The following SLC24A1 variants were observed in gnomAD, a reference collection of about 807,000 sequenced individuals.
SLC24A1 encodes solute carrier family 24 member 1, also known as sodium/potassium/calcium exchanger 1.
A neutral mutation model predicts 88.1 loss-of-function variants in SLC24A1; 52 were observed. The ratio of observed to expected loss-of-function variants is 0.59; its 90% CI spans 0.47 to 0.74. The LOEUF is 0.74. SLC24A1 is among the 30% of genes least tolerant of loss of function. The probability of loss-of-function intolerance (pLI) is 0.00; values close to 1 mark genes in which losing one functional copy is unlikely to be tolerated. For missense variants in SLC24A1, 1,173 were observed against 1,363.3 expected (o/e 0.86, Z 2.20); for synonymous variants, 455 against 498.0 (o/e 0.91, Z 1.15).
At chr15:65,645,771 C>A in intron 6 of SLC24A1, 68 bp downstream of exon 6, 1 of 1,037,318 alleles carries the variant, frequency 9.6e-7, no homozygotes, top group Non-Finnish European at 1.5e-6. Flanking sequence ...ACCAAAAATA[C>A]ATCCTCCCTG....
chr15:65,654,685 T>A lies in SLC24A1; in HGVS notation c.*606T>A, dbSNP rs767836520. 7.9e-7 allele frequency: 1 copy of A among 1,272,546 alleles called. No homozygotes were observed. The highest frequency in any genetic ancestry group is 2.5e-5 in the Admixed American group (1 of 40,478). 78.8% of individuals were successfully genotyped at this position (1,272,546 alleles called of 1,614,324 possible). On this transcript the variant is annotated 3_prime_UTR_variant, in exon 10 of 10. Transcript: ENST00000261892. ...ATTCCACGTTTTGTAGCCCACTGCA[T>A]CTGGATATATACCAGTATTTTCTTT... is the stretch of plus-strand genomic sequence containing the variant.
At chr15:65,640,108 TCAGCCCAGGCTGACTGGC>T (rs1352783798) in intron 4 of SLC24A1, among the ~76,000 whole-genome samples, 1 of 152,146 alleles carries the variant, frequency 6.6e-6, no homozygotes, top group Admixed American at 6.5e-5. Flanking sequence ...GCCAAGCAGC[TCAGCCCAGGCTGACTGGC>T]CTGGGCTGCT....
At position 65,654,911 on chromosome 15, in the gene SLC24A1, T is replaced by TA; in HGVS notation, c.*832_*833insA. Reference sequence around the variant, plus strand: ...CCGCGCCTGGCCTATACCAGTATTTTCTAGTTTAAAGGAGGACTACATTAA... The same window carrying TA: ...CCGCGCCTGGCCTATACCAGTATTTTACTAGTTTAAAGGAGGACTACATTAA... On this transcript the variant is annotated 3_prime_UTR_variant, in exon 10 of 10. Transcript: ENST00000261892. The TA allele has an allele frequency of 1.8e-6, 2 of 1,119,156 alleles. No individual in the cohort carries two copies. The highest frequency in any genetic ancestry group is 2.2e-6 in the Non-Finnish European group (2 of 906,990). The allele number at this position is 1,119,156 out of a possible 1,614,324, so 69.3% of individuals were successfully genotyped here.
intron 8 of SLC24A1, chr15:65,652,290 C>A: frequency 3.6e-6 from 1 of 280,092 alleles, no homozygotes; most frequent in Non-Finnish European, 6.8e-6. Flanking sequence ...GTCCACATTC[C>A]TGGAAATAGA....
chr15:65,624,394 G>A lies in SLC24A1; in HGVS notation c.314G>A (p.Ser105Asn). The A allele has an allele frequency of 6.2e-7, 1 of 1,613,562 alleles. No homozygotes were observed. The change falls in exon 2 of 10, where the codon AGC (serine) becomes AAC (asparagine). Residue 105 changes from serine to asparagine, a missense_variant. By Grantham distance (46) the Ser-to-Asn change is conservative. Transcript: ENST00000261892. ...GTGGGCAGTGATGAAGCAACACTGA[G>A]CATGACAGTGGAGAATATCCCCAGT... Reference protein sequence around the residue: ...ASVGSDEATLSMTVENIPSMP... With the variant: ...ASVGSDEATLNMTVENIPSMP...
chr15:65,650,845 T>C lies in SLC24A1; in HGVS notation c.2696T>C (p.Leu899Pro), dbSNP rs751581992. 1 of 1,613,872 alleles carries C rather than the reference T, an allele frequency of 6.2e-7. No individual in the cohort carries two copies. Among genetic ancestry groups the C allele is most frequent in the South Asian group, 1.1e-5 (1 of 91,074 alleles). The change falls in exon 7 of 10, where the codon CTG becomes CCG. Residue 899 changes from leucine (L) to proline (P), a missense_variant. Coordinates refer to ENST00000261892, the MANE Select transcript of SLC24A1 (RefSeq NM_004727.3). The surrounding 1 kb of genome is among the most constrained non-coding windows in gnomAD (Gnocchi z 4.1). ...EEKGNEEPLS[L>P]DWPETRQKQA... Reference sequence around the variant, plus strand: ...AAGGGAAATGAAGAGCCTCTGTCCCTGGACTGGCCTGAAACCAGGCAGAAG... The same window carrying C: ...AAGGGAAATGAAGAGCCTCTGTCCCCGGACTGGCCTGAAACCAGGCAGAAG...
At position 65,654,302 on chromosome 15, in the gene SLC24A1, CCT is replaced by C. The variant is rs1182442430; in HGVS notation, c.*224_*225del. On this transcript the variant is annotated 3_prime_UTR_variant, in exon 10 of 10. Transcript: ENST00000261892. ...CCCCTGGAGGGGTGGAGTTTCTACC[CCT>C]GACTCATGCAGACATCTATTACATG... 2.2e-6 allele frequency: 3 copies of C among 1,355,758 alleles called. No individual in the cohort carries two copies. The highest frequency in any genetic ancestry group is 5.7e-5 in the East Asian group (2 of 35,396). 84.0% of individuals were successfully genotyped at this position (1,355,758 alleles called of 1,614,324 possible).
At chr15:65,618,270 C>T (rs1470273683), upstream of SLC24A1, among the ~76,000 whole-genome samples, 1 of 152,016 alleles carries the variant, frequency 6.6e-6, no homozygotes, top group Admixed American at 6.6e-5. Flanking sequence ...TATGATATAA[C>T]ATATATAATA....
At position 65,654,660 on chromosome 15, in the gene SLC24A1, A is replaced by G; in HGVS notation, c.*581A>G. ...AGAAATATAACAGGAATTAATGATC[A>G]TTCCACGTTTTGTAGCCCACTGCAT... is the stretch of plus-strand genomic sequence containing the variant. On this transcript the variant is annotated 3_prime_UTR_variant, in exon 10 of 10. Transcript: ENST00000261892. The G allele has an allele frequency of 7.9e-7, 1 of 1,272,754 alleles. No individual in the cohort carries two copies. The highest frequency in any genetic ancestry group is 1.3e-5 in the South Asian group (1 of 78,242). 78.8% of individuals were successfully genotyped at this position (1,272,754 alleles called of 1,614,324 possible).
chr15:65,638,318 G>C, intron 3 of SLC24A1, 137 bp downstream of exon 3: 2 of 651,190 alleles, frequency 3.1e-6, no homozygotes, highest in South Asian at 3.4e-5. Flanking sequence ...GCGCTGCCAG[G>C]GTGAGGCAAG....
At chr15:65,656,721 C>T (rs535484944), downstream of SLC24A1, among the ~76,000 whole-genome samples, 1 of 152,200 alleles carries the variant, frequency 6.6e-6, no homozygotes, top group Non-Finnish European at 1.5e-5. Flanking sequence ...CTTCTACCCC[C>T]TTAGGCTGCA....
At chr15:65,660,339 G>A (rs1415727593), downstream of SLC24A1, 3 of 1,530,304 alleles carry the variant, frequency 2.0e-6, no homozygotes, top group Non-Finnish European at 2.6e-6. Flanking sequence ...AACTCAAAAG[G>A]TGGGTTTTCT....
At position 65,649,640 on chromosome 15, in the gene SLC24A1, T is replaced by G. The variant is rs189161443; in HGVS notation, c.2233-742T>G. 2.0e-4 allele frequency among the ~76,000 whole-genome samples: 31 copies of G among 152,292 alleles called. 1 individual carries two copies. The highest frequency in any genetic ancestry group is 2.2e-4 in the Non-Finnish European group (15 of 68,034). ...TTATCCATATCATGAATTAATTGAT[T>G]CATAAAACACCGTAAGTGCTAGCTA... On this transcript the variant is annotated intron_variant, in intron 6 of 9. Transcript: ENST00000261892.
chr15:65,654,374 G>A lies in SLC24A1; in HGVS notation c.*295G>A, dbSNP rs886051353. 5.2e-5 allele frequency: 62 copies of A among 1,200,460 alleles called. No individual in the cohort carries two copies. In the East Asian group the frequency reaches 2.6e-3, roughly 50 times the overall value. 74.4% of individuals were successfully genotyped at this position (1,200,460 alleles called of 1,614,324 possible). Reference sequence around the variant, plus strand: ...TGGAGCCAGAGGGTTTTCTAAATGAGATAACTGGGGGCAAAGGTTGGGATA... The same window carrying A: ...TGGAGCCAGAGGGTTTTCTAAATGAAATAACTGGGGGCAAAGGTTGGGATA... On this transcript the variant is annotated 3_prime_UTR_variant, in exon 10 of 10. Coordinates refer to ENST00000261892, the MANE Select transcript of SLC24A1 (RefSeq NM_004727.3).
chr15:65,650,921 AGTCCCCGAC>A lies in SLC24A1; in HGVS notation c.2777_2785del (p.Pro926_Val928del), dbSNP rs752304698. On this transcript the variant is annotated inframe_deletion, in exon 7 of 10. Coordinates refer to ENST00000261892, the MANE Select transcript of SLC24A1 (RefSeq NM_004727.3). This position sits in a 1 kb window ranked among gnomAD's most constrained non-coding sequence, Gnocchi z 4.1. Reference sequence around the variant, plus strand: ...CCATCGTGTTCCCACTGTGGCTGACAGTCCCCGACGTCCGAAGGCAGGTGAGTGTGCCCA... The same window carrying A: ...CCATCGTGTTCCCACTGTGGCTGACAGTCCGAAGGCAGGTGAGTGTGCCCA... 2 of 1,613,970 alleles carry A rather than the reference AGTCCCCGAC, an allele frequency of 1.2e-6. No individual in the cohort carries two copies. The highest frequency in any genetic ancestry group is 2.2e-5 in the South Asian group (2 of 91,080).
chr15:65,641,224 T>C (rs1365458253), intron 4 of SLC24A1, among the ~76,000 whole-genome samples: 3 of 145,798 alleles, frequency 2.1e-5, no homozygotes, highest in Admixed American at 6.9e-5. Context: ...AACACAAAAA[T>C]TGGCACACAC....
At chr15:65,646,870 T>C (rs2075318265) in intron 6 of SLC24A1, among the ~76,000 whole-genome samples, 1 of 152,144 alleles carries the variant, frequency 6.6e-6, no homozygotes, top group Middle Eastern at 3.2e-3. Flanking sequence ...GTAACATGAG[T>C]AGGTCTATTA....
Position 65,623,953 on chromosome 15 carries a change from A to T in SLC24A1, c.-126-2A>T. On this transcript the variant is annotated splice_acceptor_variant, in intron 1 of 9. Transcript: ENST00000261892. LOFTEE classifies it low-confidence loss of function (5UTR_SPLICE). ...AATAATCTCTTTTTTTTACCCACCT[A>T]GGGTTGTGGATACCCCCTGGCTGGG... 1 of 750,406 alleles carries T rather than the reference A, an allele frequency of 1.3e-6. No homozygotes were observed. The highest frequency in any genetic ancestry group is 1.9e-5 in the South Asian group (1 of 51,612). The allele number at this position is 750,406 out of a possible 1,614,324, so 46.5% of individuals were successfully genotyped here.
At position 65,624,254 on chromosome 15, in the gene SLC24A1, G is replaced by A. The variant is rs1027465077; in HGVS notation, c.174G>A (p.Gln58=). The change falls in exon 2 of 10, where the codon CAG becomes CAA. Residue 58 remains glutamine (Q), a synonymous_variant. Transcript: ENST00000261892. The stretch of plus-strand genomic sequence containing the variant: ...TGTGGGCAGCAGTCTCTTCTCATCA[G>A]CCTATAAAACTGGCCAGTCGGGACC... ...SSLWAAVSSH[Q]PIKLASRDLS... The A allele has an allele frequency of 6.2e-7, 1 of 1,613,842 alleles. No homozygotes were observed. Among genetic ancestry groups the A allele is most frequent in the East Asian group, 2.2e-5 (1 of 44,884 alleles).
Sources: gnomAD v4.1 joint callset for allele counts (sites outside exome capture counted in the v4.1 genomes callset) on GRCh38, gnomAD v4.1.1 for gene constraint, Gnocchi (gnomAD v3.1) non-coding constraint, MANE v1.5 for transcripts, NCBI Gene and HGNC (gene_info 2026-07-23, HGNC 2026-07-21) for gene names.